The following FGF12 variants were observed in gnomAD, a reference collection of about 807,000 sequenced individuals.
FGF12 encodes the protein fibroblast growth factor 12B.
A neutral mutation model predicts 23.6 loss-of-function variants in FGF12; 14 were observed. That is an observed-to-expected ratio of 0.59 (90% CI 0.39 to 0.93). FGF12 has a LOEUF of 0.93. Ranked by LOEUF, FGF12 falls within the 40% of genes least tolerant of loss-of-function variation. The pLI, the probability that FGF12 is intolerant of heterozygous loss-of-function variation, is 0.00. For missense variants in FGF12, 175 were observed against 217.8 expected, an observed-to-expected ratio of 0.80 and a Z score of 1.24; for synonymous variants, 62 against 77.3, an observed-to-expected ratio of 0.80 and a Z score of 1.04.
chr3:192,710,387 G>A (rs1490272144), intron 2 of FGF12, among the ~76,000 whole-genome samples: 1 of 152,126 alleles, frequency 6.6e-6, no homozygotes, highest in African/African-American at 2.4e-5. Flanking sequence ...AATGGATGCA[G>A]GTGTGTTTAT....
Position 192,181,364 on chromosome 3 carries a change from G to GACACACAC in FGF12, c.229-10716_229-10709dup, listed in dbSNP as rs200578658. ...GACAAGACCTACACGCACACACACA[G>GACACACAC]ACACACACACACAGACACACACACA... On this transcript the variant is annotated intron_variant, in intron 4 of 5. Transcript: ENST00000445105. Among the ~76,000 whole-genome samples the GACACACAC allele has an allele frequency of 1.1e-3, 159 of 142,854 alleles. 1 individual carries two copies. In the East Asian group the frequency reaches 0.018, roughly 16 times the overall value. 93.7% of individuals were successfully genotyped at this position (142,854 alleles called of 152,430 possible).
chr3:192,608,020 T>G (rs1241477408), intron 2 of FGF12, among the ~76,000 whole-genome samples: 2 of 152,066 alleles, frequency 1.3e-5, no homozygotes, highest in Non-Finnish European at 2.9e-5. Context: ...TTGAGGCCAT[T>G]GTTAAGTGAA....
rs1013844301 is a variant in FGF12, at chr3:192,335,424, G to A, written c.165C>T (p.Ala55=). The A allele has an allele frequency of 6.2e-7, 1 of 1,613,056 alleles. No homozygotes were observed. The highest frequency in any genetic ancestry group is 8.5e-7 in the Non-Finnish European group (1 of 1,179,458). Residue 55 remains alanine, a synonymous_variant, in exon 4 of 6, where the codon GCC becomes GCT. Coordinates refer to ENST00000445105, the MANE Select transcript of FGF12 (RefSeq NM_004113.6). ...NLIPVGLRVV[A]IQGVKASLYV... ...AGAGGCTAGCCTTCACTCCTTGGAT[G>A]GCCACTACACGCAGGCCCACGGGAA...
In FGF12 at chr3:192,265,893, T is replaced by G. The variant is rs547876252; in HGVS notation, c.228+69468A>C. On this transcript the variant is annotated intron_variant, in intron 4 of 5. Coordinates refer to ENST00000445105, the MANE Select transcript of FGF12 (RefSeq NM_004113.6). ...CAAATATGGCAGTGACTCTGTTACTTGCTCTTTCTTTTGGCCAGAAAATAA... is the reference window on the plus strand; with the variant it reads ...CAAATATGGCAGTGACTCTGTTACTGGCTCTTTCTTTTGGCCAGAAAATAA... Among the ~76,000 whole-genome samples the G allele has an allele frequency of 7.9e-4, 121 of 152,304 alleles. 3 individuals carry two copies. In the South Asian group the frequency reaches 0.024, roughly 31 times the overall value.
intron 5 of FGF12, among the ~76,000 whole-genome samples, chr3:192,162,882 T>C (rs558505919): frequency 1.2e-3 from 177 of 152,210 alleles, no homozygotes; most frequent in African/African-American, 4.2e-3. Flanking sequence ...TAATTTCTCA[T>C]GCAATGCCAC....
intron 2 of FGF12, among the ~76,000 whole-genome samples, chr3:192,715,157 A>AT (rs1718828287): frequency 6.6e-6 from 1 of 152,318 alleles, no homozygotes; most frequent in African/African-American, 2.4e-5. Context: ...TAGGAATCTA[A>AT]TTTTTTAAAG....
intron 2 of FGF12, among the ~76,000 whole-genome samples, chr3:192,630,276 C>T (rs976796596): frequency 1.3e-5 from 2 of 152,194 alleles, no homozygotes; most frequent in African/African-American, 4.8e-5. Context: ...GCCTGCAAAA[C>T]CATGAGCCAA....
intron 4 of FGF12, among the ~76,000 whole-genome samples, chr3:192,254,688 G>A (rs556926744): frequency 2.0e-5 from 3 of 152,062 alleles, no homozygotes; most frequent in Admixed American, 6.5e-5. Context: ...TCAGGCTAAT[G>A]TATAAACATT....
intron 4 of FGF12, among the ~76,000 whole-genome samples, chr3:192,237,236 C>G (rs1485451493): frequency 6.6e-6 from 1 of 152,162 alleles, no homozygotes; most frequent in Non-Finnish European, 1.5e-5. Flanking sequence ...TGTACATAAC[C>G]TGCCCCTTAT....
At chr3:192,452,191 TAGG>T (rs750149436) in intron 2 of FGF12, among the ~76,000 whole-genome samples, 5 of 152,196 alleles carry the variant, frequency 3.3e-5, no homozygotes, top group African/African-American at 4.8e-5. Context: ...TCTCAGTTGC[TAGG>T]AGATTTTTTT....
intron 2 of FGF12, among the ~76,000 whole-genome samples, chr3:192,502,897 A>T (rs1212562548): frequency 6.6e-6 from 1 of 152,194 alleles, no homozygotes; most frequent in Non-Finnish European, 1.5e-5. Context: ...AGAAGCAGTG[A>T]TAGCTAATAT....
chr3:192,676,975 T>C (rs1008975967), intron 2 of FGF12, among the ~76,000 whole-genome samples: 1 of 152,224 alleles, frequency 6.6e-6, no homozygotes, highest in Non-Finnish European at 1.5e-5. Flanking sequence ...ACAGCAGCCC[T>C]AGAAAACGAA....
chr3:192,694,051 T>C (rs141675890), intron 2 of FGF12, among the ~76,000 whole-genome samples: 1 of 152,192 alleles, frequency 6.6e-6, no homozygotes, highest in East Asian at 1.9e-4. Context: ...CACAACTCAA[T>C]AACAAAAATC....
At chr3:192,533,787 A>T (rs1175539657) in intron 2 of FGF12, among the ~76,000 whole-genome samples, 1 of 152,182 alleles carries the variant, frequency 6.6e-6, no homozygotes, top group Non-Finnish European at 1.5e-5. Context: ...CTCTCTCCAT[A>T]GGCTAGAAAG....
chr3:192,714,296 G>T (rs1036499439), intron 2 of FGF12, among the ~76,000 whole-genome samples: 1 of 151,992 alleles, frequency 6.6e-6, no homozygotes, highest in East Asian at 1.9e-4. Context: ...CTCTGTCTTC[G>T]CTAAGGAAGG....
Position 192,727,466 on chromosome 3 carries a change from T to A in FGF12, c.-131+18A>T. On this transcript the variant is annotated intron_variant, in intron 1 of 5. Coordinates refer to ENST00000445105, the MANE Select transcript of FGF12 (RefSeq NM_004113.6). ...GCATGCACAGTGCCCGCTCAGATTT[T>A]TTTTTTTTTTTTTTTACCTGGGTCT... is the stretch of plus-strand genomic sequence containing the variant. 1 of 716,716 alleles carries A rather than the reference T, an allele frequency of 1.4e-6. No individual in the cohort carries two copies. The highest frequency in any genetic ancestry group is 2.1e-6 in the Non-Finnish European group (1 of 478,106). 44.4% of individuals were successfully genotyped at this position (716,716 alleles called of 1,614,324 possible).
intron 2 of FGF12, among the ~76,000 whole-genome samples, chr3:192,363,598 T>C (rs994832366): frequency 1.3e-5 from 2 of 152,068 alleles, no homozygotes; most frequent in Admixed American, 6.6e-5. Flanking sequence ...ACATATATAA[T>C]ATAGATGGGG....
At chr3:192,497,503 A>C (rs185514333) in intron 2 of FGF12, among the ~76,000 whole-genome samples, 2 of 152,336 alleles carry the variant, frequency 1.3e-5, no homozygotes, top group East Asian at 1.9e-4. Flanking sequence ...TCCTTCCATG[A>C]CTTCCCATAA....
chr3:192,501,018 T>G (rs1016408038), intron 2 of FGF12, among the ~76,000 whole-genome samples: 2 of 152,226 alleles, frequency 1.3e-5, no homozygotes, highest in Non-Finnish European at 2.9e-5. Context: ...CTAAATTTGA[T>G]AAATTTCTTT....
Sources: allele counts gnomAD v4.1 joint callset (sites outside exome capture counted in the v4.1 genomes callset), GRCh38; gene constraint gnomAD v4.1.1; transcripts MANE v1.5; gene names NCBI Gene and HGNC (gene_info 2026-07-23, HGNC 2026-07-21).